CSE1L: variants seen among roughly 807,000 people sequenced by gnomAD.
CSE1L encodes chromosome segregation 1 like.
In CSE1L, 24 loss-of-function variants were observed where a neutral mutation model predicts 120.4. The observed-to-expected ratio is 0.20, with a 90% CI of 0.14 to 0.28. The LOEUF (loss-of-function observed/expected upper bound fraction) is 0.28, where lower values mean the gene tolerates loss of function less well. Ranked by LOEUF, CSE1L falls within the 10% of genes least tolerant of loss-of-function variation. The pLI is 1.00. For synonymous variants in CSE1L, 402 were observed against 398.3 expected (o/e 1.01, Z -0.11); for missense variants, 830 against 1,145.2 (o/e 0.72, Z 3.97).
chr20:49,094,207 A>C lies in CSE1L; in HGVS notation c.2515A>C (p.Lys839Gln). 6.2e-7 allele frequency: 1 copy of C among 1,608,694 alleles called. No homozygotes were observed. The highest frequency in any genetic ancestry group is 2.2e-5 in the East Asian group (1 of 44,788). Residue 839 changes from lysine to glutamine, a missense_variant, in exon 23 of 25, where the codon AAA (lysine) becomes CAA (glutamine). By Grantham distance (53) the Lys-to-Gln change is moderately conservative. Transcript: ENST00000262982. ...TCAGAAGGTATCTGGAAATGTAGAG[A>C]AAAAGATCTGTGCGGTTGGCATAAC... ...EIQKVSGNVE[K>Q]KICAVGITKL...
chr20:49,076,831 A>G (rs2091972364), intron 12 of CSE1L, 149 bp from the exon 13 acceptor site: 1 of 528,452 alleles, frequency 1.9e-6, no homozygotes, highest in Non-Finnish European at 3.3e-6. Flanking sequence ...GTACACAGCC[A>G]GTACAGTCTC....
At chr20:49,093,904 C>T (rs1376558514) in intron 22 of CSE1L, among the ~76,000 whole-genome samples, 8 of 150,302 alleles carry the variant, frequency 5.3e-5, no homozygotes, top group South Asian at 4.2e-4. Context: ...GCAACAAGAG[C>T]GAAACTCCGT....
intron 3 of CSE1L, among the ~76,000 whole-genome samples, chr20:49,064,351 A>G (rs1337967134): frequency 6.6e-6 from 1 of 152,216 alleles, no homozygotes; most frequent in East Asian, 1.9e-4. Flanking sequence ...TTCTCATTCC[A>G]TAAAAGAGAG....
chr20:49,095,729 A>G (rs2092134513), intron 24 of CSE1L, among the ~76,000 whole-genome samples: 1 of 152,102 alleles, frequency 6.6e-6, no homozygotes, highest in South Asian at 2.1e-4. Context: ...GTTACCTGAT[A>G]AAATATATAT....
chr20:49,076,892 A>G (rs2091972763), intron 12 of CSE1L, 88 bp from the exon 13 acceptor site: 1 of 770,094 alleles, frequency 1.3e-6, no homozygotes, highest in Non-Finnish European at 2.1e-6. Context: ...CCATTTTAAC[A>G]TGGTTTTCTA....
chr20:49,095,035 C>T (rs2092129182), intron 24 of CSE1L, 72 bp downstream of exon 24: 2 of 1,162,064 alleles, frequency 1.7e-6, no homozygotes, highest in Admixed American at 1.9e-5. Context: ...AGTAGTAGTT[C>T]TGGTGTCTGT....
Position 49,066,307 on chromosome 20 carries a change from A to G in CSE1L, c.330+14A>G, listed in dbSNP as rs566431913. 1.9e-6 allele frequency: 3 copies of G among 1,614,148 alleles called. No individual in the cohort carries two copies. The highest frequency in any genetic ancestry group is 1.3e-5 in the African/African-American group (1 of 75,062). ...ATTCAGAAGCAGGTAATGTCGCTCCACTTTTTAGATGGGCTCCTCTGTAAA... is the reference window on the plus strand; with the variant it reads ...ATTCAGAAGCAGGTAATGTCGCTCCGCTTTTTAGATGGGCTCCTCTGTAAA... On this transcript the variant is annotated intron_variant, in intron 4 of 24. Coordinates refer to ENST00000262982, the MANE Select transcript of CSE1L (RefSeq NM_001316.4).
At chr20:49,072,828 A>G in intron 10 of CSE1L, 131 bp downstream of exon 10, 1 of 970,370 alleles carries the variant, frequency 1.0e-6, no homozygotes, top group Non-Finnish European at 1.4e-6. Flanking sequence ...CTAAACCAAG[A>G]CAGAAAATGT....
chr20:49,063,998 A>T (rs2123685156), intron 3 of CSE1L, among the ~76,000 whole-genome samples: 2 of 152,312 alleles, frequency 1.3e-5, no homozygotes, highest in South Asian at 4.1e-4. Flanking sequence ...TCCTTAGCTT[A>T]GGACAGTGAT....
chr20:49,094,681 T>A (rs1442418527), intron 23 of CSE1L, 51 bp from the exon 24 acceptor site: 2 of 1,297,410 alleles, frequency 1.5e-6, no homozygotes, highest in South Asian at 1.2e-5. Context: ...TGGTTTTAAG[T>A]CTTCCGAGTA....
intron 1 of CSE1L, among the ~76,000 whole-genome samples, chr20:49,057,983 T>C (rs2091822388): frequency 6.6e-6 from 1 of 151,984 alleles, no homozygotes; most frequent in Admixed American, 6.6e-5. Context: ...GTTGACAGGC[T>C]GGTCTCTTAA....
chr20:49,065,585 A>ATTTTT (rs1568769284), intron 3 of CSE1L, among the ~76,000 whole-genome samples: 2 of 77,328 alleles, frequency 2.6e-5, no homozygotes, highest in African/African-American at 4.6e-5. Flanking sequence ...CTAAAATGGA[A>ATTTTT]ATTTTTTTTT....
intron 12 of CSE1L, 152 bp from the exon 13 acceptor site, chr20:49,076,828 G>T: frequency 1.9e-6 from 1 of 531,670 alleles, no homozygotes; most frequent in Non-Finnish European, 3.3e-6. Context: ...CCTGTACACA[G>T]CCAGTACAGT....
chr20:49,079,587 A>T (rs909209234), intron 14 of CSE1L, among the ~76,000 whole-genome samples: 2 of 151,986 alleles, frequency 1.3e-5, no homozygotes, highest in African/African-American at 4.8e-5. Flanking sequence ...AGACTTTCTC[A>T]CATTTTACTT....
rs1333565797 is a variant in CSE1L at position 49,089,617 on chromosome 20, C to A, written c.2052C>A (p.Ala684=). 1.2e-6 allele frequency: 2 copies of A among 1,614,022 alleles called. No homozygotes were observed. The highest frequency in any genetic ancestry group is 2.7e-5 in the African/African-American group (2 of 74,892). ...ATGACATCCCGTCTTCCTATATGGC[C>A]TTATTTCCTCATCTCCTTCAGCCAG... ...HKNDIPSSYM[A]LFPHLLQPVL... The change falls in exon 19 of 25, where the codon GCC becomes GCA. Residue 684 remains alanine, a synonymous_variant. Coordinates refer to ENST00000262982, the MANE Select transcript of CSE1L (RefSeq NM_001316.4).
At chr20:49,086,399 CT>C (rs2092058409) in intron 16 of CSE1L, among the ~76,000 whole-genome samples, 1 of 107,854 alleles carries the variant, frequency 9.3e-6, no homozygotes, top group Non-Finnish European at 1.7e-5. Flanking sequence ...GAGTTTCACT[CT>C]TGTTGCCCAG....
rs1234339900 is a variant in CSE1L at position 49,094,408 on chromosome 20, A to G, written c.2594+122A>G. The G allele has an allele frequency of 2.1e-5, 20 of 932,074 alleles. 1 individual carries two copies. Among genetic ancestry groups the G allele is most frequent in the Middle Eastern group, 3.0e-4 (1 of 3,356 alleles). The allele number at this position is 932,074 out of a possible 1,614,324, so 57.7% of individuals were successfully genotyped here. ...TTGGTCTGATCTCAGCTTCTCCACA[A>G]TCAGATCCAAGACATGATTTCTGGA... On this transcript the variant is annotated intron_variant, in intron 23 of 24. Transcript: ENST00000262982.
intron 1 of CSE1L, among the ~76,000 whole-genome samples, chr20:49,047,697 C>T (rs1044304549): frequency 9.3e-5 from 14 of 151,058 alleles, no homozygotes; most frequent in Admixed American, 4.0e-4. Context: ...CTGCCTCAGC[C>T]TCCCGAATAG....
Position 49,059,840 on chromosome 20 carries a change from A to G in CSE1L, c.85+1292A>G, listed in dbSNP as rs951807289. ...GGTTGCAGTGAGTTGAGATTGCGCCACTGCACTCCAGCCTGGGTGACAGAG... is the reference window on the plus strand; with the variant it reads ...GGTTGCAGTGAGTTGAGATTGCGCCGCTGCACTCCAGCCTGGGTGACAGAG... On this transcript the variant is annotated intron_variant, in intron 2 of 24. Coordinates refer to ENST00000262982, the MANE Select transcript of CSE1L (RefSeq NM_001316.4). Among the ~76,000 whole-genome samples, 12 of 151,978 alleles carry G rather than the reference A, an allele frequency of 7.9e-5. No individual in the cohort carries two copies. The South Asian group carries it at 1.2e-3, about 16-fold the overall frequency.
Sources: allele counts gnomAD v4.1 joint callset (sites outside exome capture counted in the v4.1 genomes callset), GRCh38; gene constraint gnomAD v4.1.1; transcripts MANE v1.5; gene names NCBI Gene and HGNC (gene_info 2026-07-23, HGNC 2026-07-21).